PRSS12: variants seen among roughly 807,000 people sequenced by gnomAD.
The protein encoded by PRSS12 is serine protease 12, also known as neurotrypsin.
PRSS12 carries 85 observed loss-of-function variants against 104.4 expected under a neutral mutation model. The observed-to-expected ratio is 0.81, with a 90% CI of 0.68 to 0.98. The LOEUF (loss-of-function observed/expected upper bound fraction) is 0.98. Among genes scored for constraint, PRSS12 ranks in the 50% least tolerant of loss-of-function variants. PRSS12 has a pLI of 0.00. For missense variants in PRSS12, 1,141 were observed against 1,139.2 expected (o/e 1.00, Z -0.02); for synonymous variants, 454 against 425.2 (o/e 1.07, Z -0.83).
At chr4:118,300,080 G>A (rs914951028) in intron 8 of PRSS12, among the ~76,000 whole-genome samples, 3 of 151,294 alleles carry the variant, frequency 2.0e-5, no homozygotes, top group African/African-American at 7.3e-5. Context: ...GCGTGATCTC[G>A]GCTCACTGCA....
intron 5 of PRSS12, among the ~76,000 whole-genome samples, chr4:118,316,837 A>AAAAAAAAATATATATATATATATAT (rs35698159): frequency 4.0e-5 from 4 of 99,192 alleles, no homozygotes; most frequent in African/African-American, 1.4e-4. Flanking sequence ...AAAAAAAAAA[A>AAAAAAAAATATATATATATATATAT]ATATATATAT....
Position 118,283,007 on chromosome 4 carries a change from T to C in PRSS12, c.2144A>G (p.His715Arg). Reference protein sequence around the residue: ...EEIGVQQIVIHREYRPDRSDY... With the variant: ...EEIGVQQIVIRREYRPDRSDY... The stretch of plus-strand genomic sequence containing the variant: ...ACTGCGGTCGGGTCGATACTCCCGA[T>C]GAATCACAATCTGTTGAACTCCAAT... The change falls in exon 12 of 13, where the codon CAT becomes CGT. Residue 715 changes from histidine to arginine, a missense_variant. Physicochemically the swap from His to Arg is conservative, Grantham distance 29. Transcript: ENST00000296498. 1 of 1,614,166 alleles carries C rather than the reference T, an allele frequency of 6.2e-7. No individual in the cohort carries two copies. The highest frequency in any genetic ancestry group is 1.6e-4 in the Middle Eastern group (1 of 6,062).
In PRSS12 at chr4:118,281,648, G is replaced by C. The variant is rs2126024849; in HGVS notation, c.*288C>G. On this transcript the variant is annotated 3_prime_UTR_variant, in exon 13 of 13. Coordinates refer to ENST00000296498, the MANE Select transcript of PRSS12 (RefSeq NM_003619.4). ...GTAAAAATGATCTTTTGTAAAATCAGCATAGAATGATTTTGAGAAATAGGT... is the reference window on the plus strand; with the variant it reads ...GTAAAAATGATCTTTTGTAAAATCACCATAGAATGATTTTGAGAAATAGGT... 2.2e-6 allele frequency: 1 copy of C among 451,776 alleles called. No homozygotes were observed. The highest frequency in any genetic ancestry group is 4.4e-5 in the East Asian group (1 of 22,802). 28.0% of individuals were successfully genotyped at this position (451,776 alleles called of 1,614,324 possible).
In PRSS12 at chr4:118,308,690, G is replaced by A. The variant is rs1026214076; in HGVS notation, c.1490-113C>T. 1.5e-5 allele frequency: 21 copies of A among 1,417,102 alleles called. No homozygotes were observed. The African/African-American group carries it at 3.0e-4, about 20-fold the overall frequency. 87.8% of individuals were successfully genotyped at this position (1,417,102 alleles called of 1,614,324 possible). A position where few individuals can be genotyped will look rare whatever the true frequency, so the allele number is the denominator to read the frequency against. ...TTTTAATCAGCTATAAAATCAGATG[G>A]GAAATACTTTTTTGAGAGAGAGGAG... On this transcript the variant is annotated intron_variant, in intron 7 of 12. Transcript: ENST00000296498.
rs148007619 is a variant in PRSS12 at position 118,352,702 on chromosome 4, C to G, written c.19G>C (p.Val7Leu). 6 of 1,612,552 alleles carry G rather than the reference C, an allele frequency of 3.7e-6. No individual in the cohort carries two copies. In the African/African-American group the frequency reaches 5.3e-5, roughly 14 times the overall value. ...AGCGCCCCTAACATCAGGGCTAGCACGAAGCGGGCGAGCGTCATGGTGCCA... is the reference window on the plus strand; with the variant it reads ...AGCGCCCCTAACATCAGGGCTAGCAGGAAGCGGGCGAGCGTCATGGTGCCA... MTLARF[V>L]LALMLGALPE... is the part of the protein sequence containing the mutation. Residue 7 changes from valine (V) to leucine (L), a missense_variant, in exon 1 of 13, where the codon GTG becomes CTG. Val to Leu is a conservative substitution (Grantham distance 32). Coordinates refer to ENST00000296498, the MANE Select transcript of PRSS12 (RefSeq NM_003619.4).
chr4:118,311,495 T>C (rs1743726813), intron 7 of PRSS12, among the ~76,000 whole-genome samples: 1 of 152,200 alleles, frequency 6.6e-6, no homozygotes, highest in Non-Finnish European at 1.5e-5. Context: ...GTTATCCTGT[T>C]ATCTCCTCCT....
At chr4:118,292,514 A>G (rs1054963682) in intron 11 of PRSS12, among the ~76,000 whole-genome samples, 1 of 152,238 alleles carries the variant, frequency 6.6e-6, no homozygotes, top group Non-Finnish European at 1.5e-5. Context: ...CTCAGCTCCT[A>G]TAACTACATA....
At chr4:118,301,409 A>T (rs1464654636) in intron 8 of PRSS12, among the ~76,000 whole-genome samples, 1 of 152,168 alleles carries the variant, frequency 6.6e-6, no homozygotes, top group Non-Finnish European at 1.5e-5. Context: ...TCTAAAACCA[A>T]GGTTGAAAGC....
chr4:118,317,596 C>A (rs1723479318), intron 5 of PRSS12, among the ~76,000 whole-genome samples: 1 of 152,126 alleles, frequency 6.6e-6, no homozygotes, highest in African/African-American at 2.4e-5. Context: ...GGCTAAAAAT[C>A]TGGCGTAAAT....
chr4:118,301,211 T>C (rs1180011292), intron 8 of PRSS12, among the ~76,000 whole-genome samples: 1 of 152,212 alleles, frequency 6.6e-6, no homozygotes, highest in Non-Finnish European at 1.5e-5. Context: ...GATTTGAAAG[T>C]CTTTCTTATT....
intron 9 of PRSS12, among the ~76,000 whole-genome samples, chr4:118,298,080 G>T (rs372553422): frequency 4.6e-5 from 7 of 150,652 alleles, no homozygotes; most frequent in Admixed American, 4.6e-4. Flanking sequence ...GGAGGTTGCA[G>T]TGAGTCAAGA....
intron 6 of PRSS12, 62 bp downstream of exon 6, chr4:118,316,120 A>AT: frequency 6.3e-7 from 1 of 1,577,240 alleles, no homozygotes; most frequent in Admixed American, 1.7e-5. Flanking sequence ...AGGGATTAAC[A>AT]TAATAAGACT....
chr4:118,281,822 CA>C lies in PRSS12; in HGVS notation c.*113del. ...GCAGGGGGTACACAATTTTTTACCA[CA>C]ACACAAAGCAAAAACAGATCTTGCC... On this transcript the variant is annotated 3_prime_UTR_variant, in exon 13 of 13. Coordinates refer to ENST00000296498, the MANE Select transcript of PRSS12 (RefSeq NM_003619.4). 4 of 743,240 alleles carry C rather than the reference CA, an allele frequency of 5.4e-6. No homozygotes were observed. In the South Asian group the frequency reaches 5.7e-5, roughly 11 times the overall value. The allele number at this position is 743,240 out of a possible 1,614,324, so 46.0% of individuals were successfully genotyped here.
chr4:118,313,120 A>G, intron 7 of PRSS12, 81 bp downstream of exon 7: 2 of 1,534,512 alleles, frequency 1.3e-6, no homozygotes, highest in East Asian at 2.4e-5. Flanking sequence ...AAGATGAGAA[A>G]CACTTCATAT....
intron 1 of PRSS12, among the ~76,000 whole-genome samples, chr4:118,345,416 G>A (rs561758835): frequency 1.3e-5 from 2 of 152,292 alleles, no homozygotes; most frequent in Admixed American, 6.5e-5. Context: ...AGTTTCTAAT[G>A]ACAACAGACC....
chr4:118,306,586 G>A (rs1239054071), intron 8 of PRSS12, among the ~76,000 whole-genome samples: 1 of 152,050 alleles, frequency 6.6e-6, no homozygotes. Context: ...TGTGAACTCA[G>A]GGCATGAGCT....
chr4:118,281,856 G>T lies in PRSS12; in HGVS notation c.*80C>A. On this transcript the variant is annotated 3_prime_UTR_variant, in exon 13 of 13. Coordinates refer to ENST00000296498, the MANE Select transcript of PRSS12 (RefSeq NM_003619.4). ...GCAAAAACAGATCTTGCCATTTGTT[G>T]TCATCTCTGCTGAGTGCTAATAGTG... 1.2e-6 allele frequency: 1 copy of T among 800,304 alleles called. No individual in the cohort carries two copies. Among genetic ancestry groups the T allele is most frequent in the Non-Finnish European group, 2.3e-6 (1 of 439,746 alleles). The allele number at this position is 800,304 out of a possible 1,614,324, so 49.6% of individuals were successfully genotyped here.
At chr4:118,295,089 C>T (rs780905213) in intron 10 of PRSS12, 28 bp from the exon 11 acceptor site, 41 of 1,612,418 alleles carry the variant, frequency 2.5e-5, no homozygotes, top group Admixed American at 1.0e-4. Context: ...TACACATCAA[C>T]GTCAGTAAAA....
At chr4:118,339,338 A>C (rs1327256697) in intron 1 of PRSS12, among the ~76,000 whole-genome samples, 2 of 152,206 alleles carry the variant, frequency 1.3e-5, no homozygotes, top group African/African-American at 4.8e-5. Context: ...TACCCAAAAA[A>C]TCTAGCATAA....
Sources: gnomAD v4.1 joint callset for allele counts (sites outside exome capture counted in the v4.1 genomes callset) on GRCh38, gnomAD v4.1.1 for gene constraint, MANE v1.5 for transcripts, NCBI Gene and HGNC (gene_info 2026-07-23, HGNC 2026-07-21) for gene names.